SLC25A21: variants seen among roughly 807,000 people sequenced by gnomAD.
SLC25A21 encodes the protein mitochondrial 2-oxodicarboxylate carrier.
SLC25A21 carries 47 observed loss-of-function variants against 43.8 expected under a neutral mutation model. The ratio of observed to expected loss-of-function variants is 1.07; its 90% CI spans 0.85 to 1.37. The LOEUF (loss-of-function observed/expected upper bound fraction) is 1.37. SLC25A21 is among the 40% of genes most tolerant of loss of function. SLC25A21 has a pLI of 0.00. For missense variants in SLC25A21, 352 were observed against 350.2 expected, an observed-to-expected ratio of 1.00 and a Z score of -0.04; for synonymous variants, 131 against 121.3, an observed-to-expected ratio of 1.08 and a Z score of -0.52.
chr14:36,756,845 G>A (rs1268605675), intron 3 of SLC25A21, among the ~76,000 whole-genome samples: 1 of 152,158 alleles, frequency 6.6e-6, no homozygotes, highest in African/African-American at 2.4e-5. Context: ...AAATAAAAGT[G>A]TAAATGGGAC....
intron 1 of SLC25A21, among the ~76,000 whole-genome samples, chr14:37,154,409 C>T (rs985207179): frequency 9.9e-5 from 15 of 151,804 alleles, no homozygotes; most frequent in African/African-American, 2.4e-4. Context: ...AATAGGAAGA[C>T]GTGATTGTTA....
At chr14:37,024,146 A>G (rs1961044293) in intron 1 of SLC25A21, among the ~76,000 whole-genome samples, 1 of 152,088 alleles carries the variant, frequency 6.6e-6, no homozygotes, top group Non-Finnish European at 1.5e-5. Context: ...GCCTAACTGA[A>G]CTAATCCATC....
intron 4 of SLC25A21, among the ~76,000 whole-genome samples, chr14:36,732,728 G>A (rs189997622): frequency 6.6e-5 from 10 of 151,866 alleles, no homozygotes; most frequent in South Asian, 2.1e-4. Flanking sequence ...GTATGAAATC[G>A]TTAAAATCAG....
intron 3 of SLC25A21, among the ~76,000 whole-genome samples, chr14:36,790,236 T>C (rs1191928789): frequency 1.1e-4 from 16 of 151,844 alleles, no homozygotes; most frequent in Admixed American, 9.9e-4. Flanking sequence ...AGAATAATAA[T>C]GATTAGCTCA....
intron 1 of SLC25A21, among the ~76,000 whole-genome samples, chr14:36,977,953 TTAA>T (rs869075853): frequency 4.6e-5 from 6 of 129,800 alleles, no homozygotes; most frequent in African/African-American, 1.3e-4. Flanking sequence ...TTTTTTTTTT[TTAA>T]AAAAAAAAAA....
chr14:37,107,867 T>G (rs892242494), intron 1 of SLC25A21, among the ~76,000 whole-genome samples: 5 of 152,126 alleles, frequency 3.3e-5, no homozygotes, highest in African/African-American at 9.7e-5. Flanking sequence ...TGAAAATCAG[T>G]TGTGGGTCCT....
At chr14:36,811,126 G>C (rs1459282516) in intron 3 of SLC25A21, among the ~76,000 whole-genome samples, 1 of 152,098 alleles carries the variant, frequency 6.6e-6, no homozygotes, top group Non-Finnish European at 1.5e-5. Context: ...GCAGATCTGA[G>C]TGTGAAGAAG....
intron 1 of SLC25A21, among the ~76,000 whole-genome samples, chr14:37,046,033 C>G (rs1174451583): frequency 6.6e-6 from 1 of 152,200 alleles, no homozygotes; most frequent in Non-Finnish European, 1.5e-5. Context: ...AGAAGCCTCA[C>G]GACAACCCTA....
At chr14:36,901,832 A>G (rs890885160) in intron 1 of SLC25A21, among the ~76,000 whole-genome samples, 6 of 152,288 alleles carry the variant, frequency 3.9e-5, no homozygotes, top group Non-Finnish European at 7.3e-5. Flanking sequence ...CTATTTTTTA[A>G]AACTTCCTGT....
chr14:37,019,328 CTCTT>C (rs1238076646), intron 1 of SLC25A21, among the ~76,000 whole-genome samples: 1 of 151,850 alleles, frequency 6.6e-6, no homozygotes, highest in Non-Finnish European at 1.5e-5. Flanking sequence ...ATACGGCTGG[CTCTT>C]TCTTATATTT....
intron 1 of SLC25A21, among the ~76,000 whole-genome samples, chr14:36,900,416 T>C (rs1566723671): frequency 6.6e-6 from 1 of 152,112 alleles, no homozygotes; most frequent in Admixed American, 6.5e-5. Flanking sequence ...ATCTCTTTCT[T>C]TGTAATTTGA....
At chr14:37,136,209 C>T (rs1327303850) in intron 1 of SLC25A21, among the ~76,000 whole-genome samples, 1 of 152,166 alleles carries the variant, frequency 6.6e-6, no homozygotes, top group East Asian at 1.9e-4. Context: ...AGTTTCCCCT[C>T]TGTCTTTAAA....
chr14:37,062,977 C>A (rs556423751), intron 1 of SLC25A21, among the ~76,000 whole-genome samples: 1 of 152,254 alleles, frequency 6.6e-6, no homozygotes, highest in East Asian at 1.9e-4. Context: ...TTCCACATGG[C>A]TGGGGAGGCC....
intron 1 of SLC25A21, among the ~76,000 whole-genome samples, chr14:36,934,689 T>A (rs989265660): frequency 1.4e-5 from 2 of 147,586 alleles, no homozygotes; most frequent in Non-Finnish European, 3.0e-5. Flanking sequence ...TCACTTTTGC[T>A]CCTTAGAGTT....
At chr14:36,936,419 G>C (rs7159710) in intron 1 of SLC25A21, among the ~76,000 whole-genome samples, 93,852 of 151,936 alleles carry the variant, frequency 0.62, 29,971 homozygotes, top group Non-Finnish European at 0.68. Flanking sequence ...TTGTCCAAGA[G>C]AGATAGATAA....
At chr14:37,002,778 G>A (rs1041255506) in intron 1 of SLC25A21, among the ~76,000 whole-genome samples, 6 of 152,156 alleles carry the variant, frequency 3.9e-5, no homozygotes, top group South Asian at 2.1e-4. Flanking sequence ...ACTTATTAGC[G>A]GGAAGGGCTA....
At chr14:36,719,613 G>A (rs902194111) in intron 6 of SLC25A21, among the ~76,000 whole-genome samples, 3 of 152,186 alleles carry the variant, frequency 2.0e-5, no homozygotes, top group African/African-American at 4.8e-5. Flanking sequence ...ACTGGTATTA[G>A]AGTTGGAGGA....
chr14:37,090,507 C>G (rs968927133), intron 1 of SLC25A21, among the ~76,000 whole-genome samples: 14 of 152,150 alleles, frequency 9.2e-5, no homozygotes, highest in Admixed American at 7.2e-4. Context: ...TGGATGTCAA[C>G]GTGTTATTTT....
intron 1 of SLC25A21, among the ~76,000 whole-genome samples, chr14:36,939,821 A>C (rs1214766079): frequency 6.6e-6 from 1 of 152,176 alleles, no homozygotes; most frequent in Admixed American, 6.5e-5. Context: ...CCACTTGAGC[A>C]AAATCAAAAC....
Sources: gnomAD v4.1 joint callset for allele counts (sites outside exome capture counted in the v4.1 genomes callset) on GRCh38, gnomAD v4.1.1 for gene constraint, MANE v1.5 for transcripts, NCBI Gene and HGNC (gene_info 2026-07-23, HGNC 2026-07-21) for gene names.